The following FBN1 variants were observed in gnomAD, a reference collection of about 807,000 sequenced individuals.
FBN1 encodes the protein fibrillin-1.
In FBN1, 29 loss-of-function variants were observed where a neutral mutation model predicts 365.1. The ratio of observed to expected loss-of-function variants is 0.08; its 90% CI spans 0.06 to 0.11. The LOEUF (loss-of-function observed/expected upper bound fraction) is 0.11. Among genes scored for constraint, FBN1 ranks in the 10% least tolerant of loss-of-function variants. The probability of loss-of-function intolerance (pLI) is 1.00; values close to 1 mark genes in which losing one functional copy is unlikely to be tolerated. For missense variants in FBN1, 2,476 were observed against 3,703.2 expected (o/e 0.67, Z 8.60); for synonymous variants, 1,210 against 1,270.5 (o/e 0.95, Z 1.01).
At chr15:48,528,349 TAACAAG>T (rs2043934799) in intron 8 of FBN1, among the ~76,000 whole-genome samples, 1 of 152,120 alleles carries the variant, frequency 6.6e-6, no homozygotes, top group Non-Finnish European at 1.5e-5. Flanking sequence ...AAGATAACAA[TAACAAG>T]AACAATAATG....
chr15:48,610,240 T>C (rs1425350919), intron 4 of FBN1, among the ~76,000 whole-genome samples: 1 of 152,228 alleles, frequency 6.6e-6, no homozygotes, highest in Admixed American at 6.5e-5. Flanking sequence ...GAAAAATATG[T>C]TTATGCTTCA....
intron 4 of FBN1, among the ~76,000 whole-genome samples, chr15:48,603,140 T>C (rs924078260): frequency 1.4e-4 from 21 of 152,232 alleles, no homozygotes; most frequent in African/African-American, 5.1e-4. Flanking sequence ...AAATGCAATA[T>C]AATAAAAAAT....
intron 35 of FBN1, among the ~76,000 whole-genome samples, chr15:48,471,178 G>A (rs1486052262): frequency 6.6e-6 from 1 of 151,880 alleles, no homozygotes; most frequent in African/African-American, 2.4e-5. Context: ...ATAATTAGTT[G>A]CATAATCTCC....
In FBN1 at chr15:48,495,142, C is replaced by G; in HGVS notation, c.2658G>C (p.Pro886=). ...TCTTACCAACTTGGCATAGGGTGCACGGGCTTCCCCACGCAGCACCGAGGG... is the reference window on the plus strand; with the variant it reads ...TCTTACCAACTTGGCATAGGGTGCAGGGGCTTCCCCACGCAGCACCGAGGG... ...CSSLGAAWGS[P]CTLCQVDPIC... The change falls in exon 22 of 66, where the codon CCG becomes CCC. Residue 886 remains proline (P), a synonymous_variant. Transcript: ENST00000316623. 1 of 1,614,106 alleles carries G rather than the reference C, an allele frequency of 6.2e-7. No individual in the cohort carries two copies. Among genetic ancestry groups the G allele is most frequent in the Non-Finnish European group, 8.5e-7 (1 of 1,179,996 alleles).
chr15:48,566,248 CA>C (rs1163568820), intron 6 of FBN1, among the ~76,000 whole-genome samples: 3 of 152,230 alleles, frequency 2.0e-5, no homozygotes, highest in African/African-American at 7.2e-5. Context: ...TTTTAAGCAA[CA>C]GGGGAAAAAG....
chr15:48,592,569 C>A (rs2044485889), intron 6 of FBN1, among the ~76,000 whole-genome samples: 1 of 152,004 alleles, frequency 6.6e-6, no homozygotes. Context: ...TGATTAAGTT[C>A]TACTAGTTGC....
At chr15:48,428,975 A>T (rs934473336) in intron 56 of FBN1, among the ~76,000 whole-genome samples, 3 of 152,198 alleles carry the variant, frequency 2.0e-5, no homozygotes, top group African/African-American at 7.2e-5. Flanking sequence ...ATCCTTCCAG[A>T]GCTGGATTAT....
At position 48,512,445 on chromosome 15, in the gene FBN1, A is replaced by G. The variant is rs552263376; in HGVS notation, c.1588+1104T>C. On this transcript the variant is annotated intron_variant, in intron 13 of 65. Coordinates refer to ENST00000316623, the MANE Select transcript of FBN1 (RefSeq NM_000138.5). ...TACCCAGGTATTAAGCCTACTACCC[A>G]TTGGTTATTTTTCCTGATCCTCTCC... Among the ~76,000 whole-genome samples the G allele has an allele frequency of 1.1e-3, 166 of 152,236 alleles. 1 individual carries two copies. The highest frequency in any genetic ancestry group is 3.1e-3 in the African/African-American group (128 of 41,568).
chr15:48,432,820 C>T, intron 55 of FBN1, 46 bp downstream of exon 55: 2 of 1,611,720 alleles, frequency 1.2e-6, no homozygotes, highest in African/African-American at 1.3e-5. Context: ...TCTCCCCTCA[C>T]AGATAAAGCT....
At position 48,441,746 on chromosome 15, in the gene FBN1, C is replaced by A; in HGVS notation, c.6138G>T (p.Leu2046Phe). The change falls in exon 50 of 66, where the codon TTG (leucine) becomes TTT (phenylalanine). Residue 2046 changes from leucine (L) to phenylalanine (F), a missense_variant. By Grantham distance (22) the Leu-to-Phe change is conservative. Around this residue, in one of 5 missense-constraint regions of FBN1, gnomAD observed 1,780 missense variants for 2,840.8 expected, o/e 0.63. Transcript: ENST00000316623. ...FKCLCPEGFS[L>F]SSSGRRCQDL... ...CTTGGCACCTTCTTCCACTGGAGGACAAGGAAAACCCTTCTGGACACAGAC... is the reference window on the plus strand; with the variant it reads ...CTTGGCACCTTCTTCCACTGGAGGAAAAGGAAAACCCTTCTGGACACAGAC... The A allele has an allele frequency of 6.2e-7, 1 of 1,613,694 alleles. No individual in the cohort carries two copies. The highest frequency in any genetic ancestry group is 8.5e-7 in the Non-Finnish European group (1 of 1,179,680).
chr15:48,578,762 A>C lies in FBN1; in HGVS notation c.538+17521T>G, dbSNP rs538106807. Among the ~76,000 whole-genome samples the C allele has an allele frequency of 9.7e-3, 1,431 of 147,386 alleles. 13 individuals carry two copies. The highest frequency in any genetic ancestry group is 0.034 in the African/African-American group (1,361 of 40,240). ...TCAGTAAACTATCGCAAGAACAAAA[A>C]ACCAAACACCGCATATTCTCACTCA... is the stretch of plus-strand genomic sequence containing the variant. On this transcript the variant is annotated intron_variant, in intron 6 of 65. Coordinates refer to ENST00000316623, the MANE Select transcript of FBN1 (RefSeq NM_000138.5).
chr15:48,602,736 T>A (rs2044577109), intron 4 of FBN1, among the ~76,000 whole-genome samples: 1 of 152,216 alleles, frequency 6.6e-6, no homozygotes, highest in Non-Finnish European at 1.5e-5. Flanking sequence ...CCAAGATGCT[T>A]TTTTAACTAA....
intron 4 of FBN1, among the ~76,000 whole-genome samples, chr15:48,606,111 A>C (rs189660698): frequency 6.6e-6 from 1 of 152,328 alleles, no homozygotes; most frequent in Admixed American, 6.5e-5. Context: ...TGGGTCATTC[A>C]TACACTGCTG....
chr15:48,571,297 C>A (rs2044303973), intron 6 of FBN1, among the ~76,000 whole-genome samples: 1 of 151,924 alleles, frequency 6.6e-6, no homozygotes, highest in Admixed American at 6.6e-5. Flanking sequence ...CAATGGCACC[C>A]TGGTAGATCT....
At chr15:48,458,974 C>T (rs1010148574) in intron 43 of FBN1, among the ~76,000 whole-genome samples, 1 of 152,248 alleles carries the variant, frequency 6.6e-6, no homozygotes, top group African/African-American at 2.4e-5. Flanking sequence ...TGAGTCAGGA[C>T]TGTGTTCTGG....
At chr15:48,472,717 G>C (rs762833414) in intron 34 of FBN1, 41 bp from the exon 35 acceptor site, 4 of 1,613,990 alleles carry the variant, frequency 2.5e-6, no homozygotes, top group South Asian at 1.1e-5. Context: ...TCCTCGGTTA[G>C]GGGCTTTCTA....
At chr15:48,591,230 A>G (rs960258654) in intron 6 of FBN1, among the ~76,000 whole-genome samples, 2 of 152,096 alleles carry the variant, frequency 1.3e-5, no homozygotes, top group Non-Finnish European at 2.9e-5. Context: ...GTGATTACCC[A>G]CTGTAGTCAC....
rs780161708 is a variant in FBN1 at position 48,445,365 on chromosome 15, C to T, written c.5917+11G>A. 7.4e-6 allele frequency: 12 copies of T among 1,612,100 alleles called. No homozygotes were observed. The South Asian group carries it at 1.2e-4, about 16-fold the overall frequency. ...GCATTCTTTCCAGGTCTTTCTAAGT[C>T]CTGTACTTACCCACACAGGTCCTCC... On this transcript the variant is annotated intron_variant, in intron 48 of 65. Transcript: ENST00000316623.
At chr15:48,557,250 G>GA (rs1294158045) in intron 6 of FBN1, among the ~76,000 whole-genome samples, 3 of 152,160 alleles carry the variant, frequency 2.0e-5, no homozygotes, top group Admixed American at 1.3e-4. Flanking sequence ...CTTCATAGAT[G>GA]AAAAAAACTG....
Sources: gnomAD v4.1 joint callset for allele counts (sites outside exome capture counted in the v4.1 genomes callset) on GRCh38, gnomAD v4.1.1 for gene constraint, gnomAD v4.1.1 regional missense constraint, MANE v1.5 for transcripts, NCBI Gene and HGNC (gene_info 2026-07-23, HGNC 2026-07-21) for gene names.